Variants in WDR7 observed in about 807,000 individuals in gnomAD.
WDR7 encodes WD repeat-containing protein 7.
WDR7 carries 46 observed loss-of-function variants against 169.4 expected under a neutral mutation model. The observed-to-expected ratio is 0.27, with a 90% CI of 0.21 to 0.35. The LOEUF is 0.35. WDR7 is among the 10% of genes least tolerant of loss of function. The pLI, the probability that WDR7 is intolerant of heterozygous loss-of-function variation, is 1.00. For missense variants in WDR7, 1,534 were observed against 1,859.3 expected (o/e 0.83, Z 3.22); for synonymous variants, 612 against 666.8 (o/e 0.92, Z 1.27).
chr18:56,949,562 G>T (rs901877085), intron 25 of WDR7, among the ~76,000 whole-genome samples: 1 of 152,210 alleles, frequency 6.6e-6, no homozygotes, highest in Non-Finnish European at 1.5e-5. Context: ...TTGCGCAGAC[G>T]TGTAGTTGAA....
chr18:56,799,762 C>G, intron 19 of WDR7, among the ~76,000 whole-genome samples: 1 of 152,088 alleles, frequency 6.6e-6, no homozygotes. Context: ...TAACTGAAAT[C>G]AGTGGTTGCA....
chr18:56,675,037 GTTCTTATCCATA>G (rs2025215306), intron 2 of WDR7, among the ~76,000 whole-genome samples: 1 of 152,086 alleles, frequency 6.6e-6, no homozygotes, highest in Admixed American at 6.5e-5. Flanking sequence ...CTTTGTATGT[GTTCTTATCCATA>G]TCCTCTAGAT....
chr18:56,889,578 G>A (rs1443953812), intron 21 of WDR7, among the ~76,000 whole-genome samples: 1 of 152,168 alleles, frequency 6.6e-6, no homozygotes, highest in Non-Finnish European at 1.5e-5. Flanking sequence ...TAAACTTTGT[G>A]CAGACAATAA....
chr18:56,852,344 A>T (rs901091301), intron 20 of WDR7, among the ~76,000 whole-genome samples: 4 of 152,182 alleles, frequency 2.6e-5, no homozygotes, highest in Non-Finnish European at 2.9e-5. Flanking sequence ...TTCTGCTTTT[A>T]TCAGAATTAT....
chr18:56,751,141 C>CTT (rs572865444), intron 14 of WDR7, among the ~76,000 whole-genome samples: 15 of 152,064 alleles, frequency 9.9e-5, no homozygotes, highest in African/African-American at 3.6e-4. Flanking sequence ...CTAAGAAGCT[C>CTT]TAATAAGAGG....
intron 26 of WDR7, among the ~76,000 whole-genome samples, chr18:57,008,853 G>A (rs891314926): frequency 1.3e-5 from 2 of 152,054 alleles, no homozygotes; most frequent in African/African-American, 4.8e-5. Flanking sequence ...ATCTTGCACA[G>A]GACCTAAAAC....
At chr18:56,769,425 C>T (rs976941352) in intron 16 of WDR7, among the ~76,000 whole-genome samples, 3 of 152,164 alleles carry the variant, frequency 2.0e-5, no homozygotes, top group Non-Finnish European at 4.4e-5. Context: ...TTTCGAACTC[C>T]TGGGCTCAAG....
At chr18:56,660,319 A>G (rs567105793) in intron 1 of WDR7, among the ~76,000 whole-genome samples, 46 of 152,314 alleles carry the variant, frequency 3.0e-4, no homozygotes, top group African/African-American at 1.0e-3. Context: ...ATCCCACACA[A>G]TAAACTGGGG....
intron 22 of WDR7, among the ~76,000 whole-genome samples, chr18:56,934,829 C>T (rs1163735406): frequency 6.6e-6 from 1 of 152,114 alleles, no homozygotes; most frequent in Non-Finnish European, 1.5e-5. Context: ...CATATGTCTT[C>T]AAATACATAT....
At chr18:56,793,818 G>A (rs868489647) in intron 19 of WDR7, among the ~76,000 whole-genome samples, 3 of 152,092 alleles carry the variant, frequency 2.0e-5, no homozygotes, top group South Asian at 4.2e-4. Flanking sequence ...TTTAGAAAGC[G>A]GGCTTACATC....
chr18:57,025,894 A>G (rs2048360319), intron 27 of WDR7, among the ~76,000 whole-genome samples: 1 of 152,216 alleles, frequency 6.6e-6, no homozygotes, highest in Admixed American at 6.5e-5. Context: ...TGGATCAACC[A>G]TTTGTAGATG....
intron 20 of WDR7, among the ~76,000 whole-genome samples, chr18:56,860,223 G>T (rs374093437): frequency 6.6e-6 from 1 of 151,946 alleles, no homozygotes; most frequent in African/African-American, 2.4e-5. Flanking sequence ...AAATTAACTC[G>T]TATTCTATCT....
chr18:56,762,657 T>C (rs1015828591), intron 16 of WDR7, among the ~76,000 whole-genome samples: 1 of 152,098 alleles, frequency 6.6e-6, no homozygotes, highest in Admixed American at 6.5e-5. Flanking sequence ...GCTTCATCAG[T>C]CTTACCAGGG....
intron 21 of WDR7, among the ~76,000 whole-genome samples, chr18:56,905,674 G>A (rs1193324552): frequency 6.6e-6 from 1 of 151,086 alleles, no homozygotes; most frequent in East Asian, 1.9e-4. Flanking sequence ...TAAAAGAAAT[G>A]TAATTTAATG....
chr18:56,927,431 AC>A (rs957045127), intron 22 of WDR7, among the ~76,000 whole-genome samples: 3 of 151,188 alleles, frequency 2.0e-5, no homozygotes, highest in African/African-American at 2.4e-5. Context: ...AAACAGGAAG[AC>A]CCCCCCATCT....
intron 22 of WDR7, among the ~76,000 whole-genome samples, chr18:56,929,120 A>G (rs1450743045): frequency 2.6e-5 from 4 of 152,054 alleles, no homozygotes; most frequent in Non-Finnish European, 5.9e-5. Context: ...TGTCTCTACA[A>G]AATTTAAGAA....
At chr18:56,829,302 A>G (rs1402379845) in intron 20 of WDR7, among the ~76,000 whole-genome samples, 1 of 151,810 alleles carries the variant, frequency 6.6e-6, no homozygotes, top group African/African-American at 2.4e-5. Context: ...CCTACCACAC[A>G]CACACACACA....
intron 1 of WDR7, among the ~76,000 whole-genome samples, chr18:56,658,702 A>G (rs568495576): frequency 3.4e-4 from 51 of 152,226 alleles, no homozygotes; most frequent in African/African-American, 1.1e-3. Context: ...CACGAATGAA[A>G]TATCACTGTA....
chr18:56,716,545 C>T (rs918236407), intron 12 of WDR7, among the ~76,000 whole-genome samples: 1 of 151,938 alleles, frequency 6.6e-6, no homozygotes, highest in Non-Finnish European at 1.5e-5. Context: ...AAACATTATG[C>T]TAGTAAGATA....
Sources: allele counts gnomAD v4.1 joint callset (sites outside exome capture counted in the v4.1 genomes callset), GRCh38; gene constraint gnomAD v4.1.1; transcripts MANE v1.5; gene names NCBI Gene and HGNC (gene_info 2026-07-23, HGNC 2026-07-21).